Variants in C1orf94 observed in about 807,000 individuals in gnomAD.
C1orf94 encodes chromosome 1 open reading frame 94.
C1orf94 carries 45 observed loss-of-function variants against 53.6 expected under a neutral mutation model. That is an observed-to-expected ratio of 0.84 (90% confidence interval 0.66 to 1.08). C1orf94 has a LOEUF of 1.08. Among genes scored for constraint, C1orf94 ranks in the 50% least tolerant of loss-of-function variants. The pLI is 0.00. For missense variants in C1orf94, 762 were observed against 738.9 expected, an observed-to-expected ratio of 1.03 and a Z score of -0.36; for synonymous variants, 304 against 296.1, an observed-to-expected ratio of 1.03 and a Z score of -0.27.
upstream of C1orf94, among the ~76,000 whole-genome samples, chr1:34,175,192 T>A (rs1164308985): frequency 0.01 from 210 of 20,156 alleles, 1 homozygote; most frequent in African/African-American, 0.18. Flanking sequence ...TGTATTTGAT[T>A]TTTTTTTTTT....
chr1:34,213,863 ATTCCTTCC>A (rs751629138), intron 6 of C1orf94, among the ~76,000 whole-genome samples: 2 of 151,394 alleles, frequency 1.3e-5, no homozygotes, highest in African/African-American at 4.8e-5. Flanking sequence ...TAAAAAAAAT[ATTCCTTCC>A]TTCCTTCCTT....
In C1orf94 at chr1:34,188,099, C is replaced by T. The variant is rs199755197; in HGVS notation, c.321-9126C>T. On this transcript the variant is annotated intron_variant, in intron 1 of 6. Coordinates refer to ENST00000488417, the MANE Select transcript of C1orf94 (RefSeq NM_001134734.2). ...GCTGCTGAAAATGCAGACACCTGGG[C>T]CCCATTCTAGATCAGCTGAATTGCT... 5.3e-5 allele frequency among the ~76,000 whole-genome samples: 8 copies of T among 152,166 alleles called. No individual in the cohort carries two copies. In the East Asian group the frequency reaches 1.5e-3, roughly 29 times the overall value.
chr1:34,179,882 CTTTTA>C (rs1254737216), intron 1 of C1orf94, among the ~76,000 whole-genome samples: 1 of 152,144 alleles, frequency 6.6e-6, no homozygotes, highest in Non-Finnish European at 1.5e-5. Flanking sequence ...AGCTGTTTAG[CTTTTA>C]TCAGTTTTAC....
chr1:34,201,977 C>G, intron 3 of C1orf94, 107 bp from the exon 4 acceptor site: 2 of 1,135,450 alleles, frequency 1.8e-6, no homozygotes, highest in Non-Finnish European at 1.3e-6. Context: ...GCTTAAAGGA[C>G]CTGACCTGTG....
intron 6 of C1orf94, 118 bp from the exon 7 acceptor site, chr1:34,218,568 C>A (rs559182375): frequency 1.4e-6 from 1 of 715,132 alleles, no homozygotes; most frequent in Non-Finnish European, 2.2e-6. Context: ...CTTTACCCTC[C>A]AAGCCTGTCA....
chr1:34,197,736 C>T lies in C1orf94; in HGVS notation c.832C>T (p.Pro278Ser), dbSNP rs775041554. The T allele has an allele frequency of 2.5e-6, 4 of 1,614,038 alleles. No homozygotes were observed. In the South Asian group the frequency reaches 4.4e-5, roughly 18 times the overall value. ...DFLQDNLFSG[P>S]GPKEPTGLSP... Reference sequence around the variant, plus strand: ...CCTACAGGACAACCTGTTCAGTGGCCCTGGACCCAAGGAGCCCACAGGGCT... The same window carrying T: ...CCTACAGGACAACCTGTTCAGTGGCTCTGGACCCAAGGAGCCCACAGGGCT... Residue 278 changes from proline to serine, a missense_variant, in exon 2 of 7, where the codon CCT becomes TCT. By Grantham distance (74) the Pro-to-Ser change is moderately conservative (BLOSUM62 -1). Coordinates refer to ENST00000488417, the MANE Select transcript of C1orf94 (RefSeq NM_001134734.2). This position sits in a 1 kb window ranked among gnomAD's most constrained non-coding sequence, Gnocchi z 4.1.
rs376084199 is a variant in C1orf94, at chr1:34,186,118, A to C, written c.320+8009A>C. Among the ~76,000 whole-genome samples, 24 of 152,298 alleles carry C rather than the reference A, an allele frequency of 1.6e-4. No individual in the cohort carries two copies. The East Asian group carries it at 3.1e-3, about 20-fold the overall frequency. On this transcript the variant is annotated intron_variant, in intron 1 of 6. Transcript: ENST00000488417. The stretch of plus-strand genomic sequence containing the variant: ...CACATTCCTCTTTTTAATTGAAATA[A>C]ACAACTATGTCCCACCTCTTTCCTA...
At chr1:34,208,387 G>C (rs1642834614) in intron 5 of C1orf94, among the ~76,000 whole-genome samples, 153 bp downstream of exon 5, 1 of 152,200 alleles carries the variant, frequency 6.6e-6, no homozygotes, top group Non-Finnish European at 1.5e-5. Context: ...CATGCGTGTG[G>C]AAAACACAAA....
At chr1:34,203,479 A>G (rs72667788) in intron 4 of C1orf94, among the ~76,000 whole-genome samples, 2,292 of 152,288 alleles carry the variant, frequency 0.015, 19 homozygotes, top group Non-Finnish European at 0.022. Flanking sequence ...GTCATTTTAT[A>G]TCAGGGACTT....
Position 34,197,732 on chromosome 1 carries a change from T to C in C1orf94, c.828T>C (p.Ser276=). 6.2e-7 allele frequency: 1 copy of C among 1,614,158 alleles called. No homozygotes were observed. Among genetic ancestry groups the C allele is most frequent in the Non-Finnish European group, 8.5e-7 (1 of 1,180,032 alleles). The part of the protein sequence containing the change: ...TKDFLQDNLF[S]GPGPKEPTGL... ...ACTTCCTACAGGACAACCTGTTCAG[T>C]GGCCCTGGACCCAAGGAGCCCACAG... The change falls in exon 2 of 7, where the codon AGT becomes AGC. Residue 276 remains serine, a synonymous_variant. Coordinates refer to ENST00000488417, the MANE Select transcript of C1orf94 (RefSeq NM_001134734.2). The surrounding 1 kb of genome is among the most constrained non-coding windows in gnomAD (Gnocchi z 4.1).
At chr1:34,201,956 A>G in intron 3 of C1orf94, 128 bp from the exon 4 acceptor site, 5 of 831,860 alleles carry the variant, frequency 6.0e-6, no homozygotes, top group Non-Finnish European at 9.4e-6. Flanking sequence ...ACTTTGAAGA[A>G]CCCTCTTGGA....
chr1:34,187,435 C>T (rs193111911), intron 1 of C1orf94, among the ~76,000 whole-genome samples: 1 of 152,212 alleles, frequency 6.6e-6, no homozygotes, highest in Admixed American at 6.5e-5. Context: ...GTCCCACTTC[C>T]CATGTCCCCC....
chr1:34,195,267 A>G (rs1642560573), intron 1 of C1orf94, among the ~76,000 whole-genome samples: 1 of 152,142 alleles, frequency 6.6e-6, no homozygotes, highest in South Asian at 2.1e-4. Context: ...CACTGTGCTG[A>G]GCTCACGTAC....
intron 6 of C1orf94, among the ~76,000 whole-genome samples, chr1:34,217,583 T>C (rs1349297333): frequency 3.9e-5 from 6 of 152,122 alleles, no homozygotes; most frequent in African/African-American, 1.4e-4. Flanking sequence ...TGATATGAAA[T>C]AGGTAAAGTC....
At chr1:34,174,190 C>T (rs1344905892), upstream of C1orf94, among the ~76,000 whole-genome samples, 1 of 152,194 alleles carries the variant, frequency 6.6e-6, no homozygotes, top group African/African-American at 2.4e-5. Context: ...ACAACTTCCC[C>T]AGTACAACAC....
At chr1:34,168,088 A>G (rs1642078059) in intron 1 of C1orf94, among the ~76,000 whole-genome samples, 1 of 152,126 alleles carries the variant, frequency 6.6e-6, no homozygotes, top group Non-Finnish European at 1.5e-5. Context: ...CAATATGGGG[A>G]TGTGCTTTAA....
intron 1 of C1orf94, among the ~76,000 whole-genome samples, chr1:34,194,600 T>C (rs1253951277): frequency 6.6e-6 from 1 of 152,222 alleles, no homozygotes; most frequent in East Asian, 1.9e-4. Context: ...TTACCTGGCT[T>C]TAGCAATGAT....
chr1:34,182,540 G>A (rs1642326236), intron 1 of C1orf94, among the ~76,000 whole-genome samples: 1 of 152,176 alleles, frequency 6.6e-6, no homozygotes, highest in Non-Finnish European at 1.5e-5. Context: ...GTCCAGGGGA[G>A]GCCTAATGGT....
intron 1 of C1orf94, among the ~76,000 whole-genome samples, chr1:34,183,877 A>G (rs1642346860): frequency 6.6e-6 from 1 of 152,046 alleles, no homozygotes; most frequent in Non-Finnish European, 1.5e-5. Context: ...AAAAATTAGT[A>G]TGCACCTATT....
Sources: gnomAD v4.1 joint callset for allele counts (sites outside exome capture counted in the v4.1 genomes callset) on GRCh38, gnomAD v4.1.1 for gene constraint, Gnocchi (gnomAD v3.1) non-coding constraint, MANE v1.5 for transcripts, NCBI Gene and HGNC (gene_info 2026-07-23, HGNC 2026-07-21) for gene names.